The following CACNA1H variants were observed in gnomAD, a reference collection of about 807,000 sequenced individuals.
CACNA1H encodes voltage-dependent T-type calcium channel subunit alpha-1H.
Under a neutral mutation model 192.5 loss-of-function variants are expected in CACNA1H, and 149 were observed. The observed-to-expected ratio is 0.77, with a 90% CI of 0.68 to 0.89. The LOEUF (loss-of-function observed/expected upper bound fraction) is 0.89, where lower values mean the gene tolerates loss of function less well. Among genes scored for constraint, CACNA1H ranks in the 40% least tolerant of loss-of-function variants. The probability of loss-of-function intolerance (pLI) is 0.00; values close to 1 mark genes in which losing one functional copy is unlikely to be tolerated. For synonymous variants in CACNA1H, 2,202 were observed against 1,475.2 expected (o/e 1.49, Z -11.29); for missense variants, 4,257 against 3,423.5 (o/e 1.24, Z -6.08).
Position 1,200,417 on chromosome 16 carries a change from A to G in CACNA1H, c.965A>G (p.Tyr322Cys). 1 of 1,609,256 alleles carries G rather than the reference A, an allele frequency of 6.2e-7. No homozygotes were observed. Among genetic ancestry groups the G allele is most frequent in the South Asian group, 1.1e-5 (1 of 90,924 alleles). ...CCCTGCACCCTGGGCTGGGAGGCCTACACGCAGCCGCAGGCCGAGGGGGTG... is the reference window on the plus strand; with the variant it reads ...CCCTGCACCCTGGGCTGGGAGGCCTGCACGCAGCCGCAGGCCGAGGGGGTG... The part of the protein sequence containing the change: ...RMPCTLGWEA[Y>C]TQPQAEGVGA... The change falls in exon 7 of 35, where the codon TAC becomes TGC. Residue 322 changes from tyrosine (Y) to cysteine (C), a missense_variant. Physicochemically the swap from Tyr to Cys is radical, Grantham distance 194 (BLOSUM62 -2). Coordinates refer to ENST00000348261, the MANE Select transcript of CACNA1H (RefSeq NM_021098.3).
Position 1,220,555 on chromosome 16 carries a change from C to G in CACNA1H, c.6623C>G (p.Ala2208Gly), listed in dbSNP as rs777217625. The G allele has an allele frequency of 6.5e-7, 1 of 1,530,194 alleles. No individual in the cohort carries two copies. Among genetic ancestry groups the G allele is most frequent in the Non-Finnish European group, 8.7e-7 (1 of 1,145,212 alleles). The allele number at this position is 1,530,194 out of a possible 1,614,324, so 94.8% of individuals were successfully genotyped here. Reference protein sequence around the residue: ...AEDEGSARPSAAEGGSTTLRR... With the variant: ...AEDEGSARPSGAEGGSTTLRR... ...GACGAGGGCTCTGCGCGGCCCTCCG[C>G]GGCAGAGGGCGGCAGCACCACACTG... The change falls in exon 35 of 35, where the codon GCG becomes GGG. Residue 2208 changes from alanine (A) to glycine (G), a missense_variant. Ala to Gly is a moderately conservative substitution (Grantham distance 60). Coordinates refer to ENST00000348261, the MANE Select transcript of CACNA1H (RefSeq NM_021098.3).
chr16:1,196,267 CA>C (rs1217331756), intron 5 of CACNA1H, among the ~76,000 whole-genome samples: 1 of 152,260 alleles, frequency 6.6e-6, no homozygotes, highest in Non-Finnish European at 1.5e-5. Context: ...CTGGCTCCCA[CA>C]CAGCCGAGTG....
Position 1,165,490 on chromosome 16 carries a change from C to T in CACNA1H, c.299+11454C>T, listed in dbSNP as rs574477598. ...CCGCGTGGGCCGAGCCCCCGTCCTG[C>T]GCACTCACAGCCGGGGAGCTCCAGG... On this transcript the variant is annotated intron_variant, in intron 2 of 34. Transcript: ENST00000348261. 3.9e-5 allele frequency among the ~76,000 whole-genome samples: 6 copies of T among 152,320 alleles called. No individual in the cohort carries two copies. The East Asian group carries it at 9.6e-4, about 24-fold the overall frequency.
intron 2 of CACNA1H, 104 bp from the exon 3 acceptor site, chr16:1,194,868 C>T (rs1028831865): frequency 1.5e-5 from 12 of 822,984 alleles, no homozygotes; most frequent in African/African-American, 6.7e-5. Context: ...CCCCCACGCG[C>T]GCACACCCGT....
At chr16:1,186,206 G>A (rs183592322) in intron 2 of CACNA1H, among the ~76,000 whole-genome samples, 1 of 151,336 alleles carries the variant, frequency 6.6e-6, no homozygotes, top group Admixed American at 6.6e-5. Flanking sequence ...AGGGTGTACC[G>A]TGCTGGTCCT....
chr16:1,207,990 C>A (rs1222859597), intron 15 of CACNA1H, 23 bp from the exon 16 acceptor site: 2 of 1,582,284 alleles, frequency 1.3e-6, no homozygotes, highest in Non-Finnish European at 1.7e-6. Context: ...CTCTAGGGGC[C>A]CATTCCTCCC....
Position 1,202,403 on chromosome 16 carries a change from G to C in CACNA1H, c.1953G>C (p.Leu651Phe). The change falls in exon 9 of 35, where the codon TTG (leucine) becomes TTC (phenylalanine). Residue 651 changes from leucine to phenylalanine, a missense_variant. Physicochemically the swap from Leu to Phe is conservative, Grantham distance 22 (BLOSUM62 0). Coordinates refer to ENST00000348261, the MANE Select transcript of CACNA1H (RefSeq NM_021098.3). ...CCGGGGGGCACGGCCCGTTGAGCTT[G>C]AACAGCCCTGATCCCTACGAGAAGA... Reference protein sequence around the residue: ...PGTGGHGPLSLNSPDPYEKIP... With the variant: ...PGTGGHGPLSFNSPDPYEKIP... 6.5e-7 allele frequency: 1 copy of C among 1,540,264 alleles called. No individual in the cohort carries two copies. The highest frequency in any genetic ancestry group is 8.7e-7 in the Non-Finnish European group (1 of 1,143,036).
At chr16:1,200,878 C>T (rs1967788903) in intron 8 of CACNA1H, 70 bp downstream of exon 8, 5 of 1,170,324 alleles carry the variant, frequency 4.3e-6, no homozygotes, top group Non-Finnish European at 6.0e-6. Flanking sequence ...GGTGGGGTAC[C>T]TGGGTGGTCA....
At chr16:1,177,403 G>A (rs533716538) in intron 2 of CACNA1H, among the ~76,000 whole-genome samples, 5 of 152,352 alleles carry the variant, frequency 3.3e-5, no homozygotes, top group East Asian at 3.9e-4. Flanking sequence ...CGGGGACGGC[G>A]TCTGACCGAG....
At chr16:1,162,838 G>T (rs530348957) in intron 2 of CACNA1H, among the ~76,000 whole-genome samples, 2 of 152,214 alleles carry the variant, frequency 1.3e-5, no homozygotes, top group African/African-American at 4.8e-5. Context: ...TGAGCAGGGG[G>T]TGGGATAGTC....
intron 2 of CACNA1H, chr16:1,157,953 C>T (rs1361999378): frequency 6.6e-6 from 1 of 152,274 alleles, no homozygotes; most frequent in Non-Finnish European, 1.5e-5. Flanking sequence ...CTCCCGGAGA[C>T]CCTGGGCTGC....
intron 25 of CACNA1H, 178 bp downstream of exon 25, chr16:1,212,316 G>A (rs1249657177): frequency 1.2e-4 from 140 of 1,145,520 alleles, no homozygotes; most frequent in Non-Finnish European, 1.5e-4. Context: ...CCGTCGGGGA[G>A]CCCGCCATGG....
chr16:1,169,864 G>A (rs1398315149), intron 2 of CACNA1H, among the ~76,000 whole-genome samples: 1 of 152,272 alleles, frequency 6.6e-6, no homozygotes. Context: ...GGACATGGGC[G>A]TGTGCGACCG....
rs752799249 is a variant in CACNA1H, at chr16:1,207,816, A to G, written c.3110A>G (p.His1037Arg). 54 of 1,602,696 alleles carry G rather than the reference A, an allele frequency of 3.4e-5. No homozygotes were observed. The highest frequency in any genetic ancestry group is 1.7e-4 in the Admixed American group (10 of 58,566). ...ACGGACGAGGACAAGACGTCGGTCCACTTCGAGGAGGACTTCCACAAGCTC... is the reference window on the plus strand; with the variant it reads ...ACGGACGAGGACAAGACGTCGGTCCGCTTCGAGGAGGACTTCCACAAGCTC... ...SDTDEDKTSV[H>R]FEEDFHKLRE... The change falls in exon 15 of 35, where the codon CAC becomes CGC. Residue 1037 changes from histidine (H) to arginine (R), a missense_variant. By Grantham distance (29) the His-to-Arg change is conservative. Coordinates refer to ENST00000348261, the MANE Select transcript of CACNA1H (RefSeq NM_021098.3).
Position 1,200,772 on chromosome 16 carries a change from AT to A in CACNA1H, c.1178del (p.Phe393SerfsTer18), listed in dbSNP as rs770416013. 1 of 1,554,558 alleles carries A rather than the reference AT, an allele frequency of 6.4e-7. No homozygotes were observed. Among genetic ancestry groups the A allele is most frequent in the South Asian group, 1.2e-5 (1 of 84,436 alleles). The stretch of plus-strand genomic sequence containing the variant: ...TGTACTACGTCATGGACGCCCACTC[AT>A]TCTACAACTTCATCTATTTCATCCT... ...IMYYVMDAHS[F>X]YNFIYFILLI... On this transcript the variant is annotated frameshift_variant, in exon 8 of 35. Coordinates refer to ENST00000348261, the MANE Select transcript of CACNA1H (RefSeq NM_021098.3). LOFTEE classifies it high-confidence loss of function.
chr16:1,210,926 G>A lies in CACNA1H; in HGVS notation c.4178G>A (p.Gly1393Asp), dbSNP rs751180596. 1 of 1,602,354 alleles carries A rather than the reference G, an allele frequency of 6.2e-7. No individual in the cohort carries two copies. Among genetic ancestry groups the A allele is most frequent in the Non-Finnish European group, 8.5e-7 (1 of 1,179,682 alleles). ...MASAGGAKIL[G>D]VLRVLRLLRT... is the part of the protein sequence containing the mutation. The stretch of plus-strand genomic sequence containing the variant: ...TCGGCTGGTGGCGCCAAGATCCTGG[G>A]TGTTCTGCGCGTGCTGCGTCTGCTG... The change falls in exon 21 of 35, where the codon GGT becomes GAT. Residue 1393 changes from glycine to aspartate, a missense_variant. By Grantham distance (94) the Gly-to-Asp change is moderately conservative (BLOSUM62 -1). Coordinates refer to ENST00000348261, the MANE Select transcript of CACNA1H (RefSeq NM_021098.3).
At chr16:1,199,452 T>C (rs12922132) in intron 6 of CACNA1H, among the ~76,000 whole-genome samples, 3,445 of 17,360 alleles carry the variant, frequency 0.2, 28 homozygotes, top group Middle Eastern at 0.34. Context: ...GGTCGCTGCA[T>C]ATATGCCCCA....
At chr16:1,218,062 C>T (rs562385521) in intron 32 of CACNA1H, 22 bp downstream of exon 32, 5 of 1,591,146 alleles carry the variant, frequency 3.1e-6, no homozygotes, top group South Asian at 1.1e-5. Context: ...GGCCATGCCT[C>T]TGGCACCTGG....
In CACNA1H at chr16:1,220,749, C is replaced by T. The variant is rs201577113; in HGVS notation, c.6817C>T (p.Leu2273Phe). 2.3e-4 allele frequency: 375 copies of T among 1,612,394 alleles called. No individual in the cohort carries two copies. Among genetic ancestry groups the T allele is most frequent in the Non-Finnish European group, 3.0e-4 (358 of 1,179,754 alleles). Residue 2273 changes from leucine (L) to phenylalanine (F), a missense_variant, in exon 35 of 35, where the codon CTC (leucine) becomes TTC (phenylalanine). Transcript: ENST00000348261. Reference protein sequence around the residue: ...VPSFAFEPLDLGVPSGDPFLD... With the variant: ...VPSFAFEPLDFGVPSGDPFLD... ...CAGCTTTGCCTTTGAGCCGCTGGACCTCGGGGTCCCCAGTGGAGACCCTTT... is the reference window on the plus strand; with the variant it reads ...CAGCTTTGCCTTTGAGCCGCTGGACTTCGGGGTCCCCAGTGGAGACCCTTT...
Sources: allele counts gnomAD v4.1 joint callset (sites outside exome capture counted in the v4.1 genomes callset), GRCh38; gene constraint gnomAD v4.1.1; transcripts MANE v1.5; gene names NCBI Gene and HGNC (gene_info 2026-07-23, HGNC 2026-07-21).